MCC: variants seen among roughly 807,000 people sequenced by gnomAD.
MCC encodes MCC regulator of Wnt signaling pathway.
MCC carries 90 observed loss-of-function variants against 116.2 expected under a neutral mutation model. That is an observed-to-expected ratio of 0.77 (90% confidence interval 0.65 to 0.92). The LOEUF (loss-of-function observed/expected upper bound fraction) is 0.92, where lower values mean the gene tolerates loss of function less well. Ranked by LOEUF, MCC falls within the 40% of genes least tolerant of loss-of-function variation. MCC has a pLI of 0.00. For synonymous variants in MCC, 578 were observed against 510.5 expected, an observed-to-expected ratio of 1.13 and a Z score of -1.78; for missense variants, 1,516 against 1,312.2, an observed-to-expected ratio of 1.16 and a Z score of -2.40.
intron 3 of MCC, among the ~76,000 whole-genome samples, chr5:113,327,999 T>A (rs1391192732): frequency 6.6e-6 from 1 of 152,160 alleles, no homozygotes; most frequent in Non-Finnish European, 1.5e-5. Context: ...ATTATTCTTC[T>A]CAATACAAGT....
chr5:113,261,930 C>T (rs184159938), intron 3 of MCC, among the ~76,000 whole-genome samples: 3 of 152,110 alleles, frequency 2.0e-5, no homozygotes. Flanking sequence ...AACATGACTG[C>T]AGTACACAAA....
At chr5:113,447,033 T>G (rs1771241487) in intron 1 of MCC, among the ~76,000 whole-genome samples, 1 of 152,178 alleles carries the variant, frequency 6.6e-6, no homozygotes, top group South Asian at 2.1e-4. Flanking sequence ...CATCTCTAAT[T>G]GACCCTTTCT....
At chr5:113,192,992 G>T (rs1014099026) in intron 3 of MCC, among the ~76,000 whole-genome samples, 1 of 152,194 alleles carries the variant, frequency 6.6e-6, no homozygotes, top group African/African-American at 2.4e-5. Flanking sequence ...AAATCAAGGT[G>T]TTATCAGGGC....
chr5:113,193,699 A>T (rs1762253046), intron 3 of MCC, among the ~76,000 whole-genome samples: 4 of 152,060 alleles, frequency 2.6e-5, no homozygotes, highest in Admixed American at 2.6e-4. Flanking sequence ...CTCCTAGGAA[A>T]CCGCTTCATA....
intron 2 of MCC, among the ~76,000 whole-genome samples, chr5:113,374,991 CAAA>C (rs70973680): frequency 1.6e-4 from 14 of 85,210 alleles, no homozygotes; most frequent in African/African-American, 9.2e-5. Flanking sequence ...GACCCTGTCT[CAAA>C]AAAAAAAAAA....
chr5:113,128,029 G>T (rs1021842617), intron 5 of MCC, among the ~76,000 whole-genome samples: 1 of 152,222 alleles, frequency 6.6e-6, no homozygotes, highest in African/African-American at 2.4e-5. Flanking sequence ...GTTTATTAAA[G>T]ATTCCTTCTC....
In MCC at chr5:113,313,854, T is replaced by A. The variant is rs544379599; in HGVS notation, c.627+26665A>T. 7.9e-5 allele frequency among the ~76,000 whole-genome samples: 12 copies of A among 152,288 alleles called. No homozygotes were observed. The South Asian group carries it at 1.7e-3, about 21-fold the overall frequency. ...TTGTTTGTTTCAGACAGAGTCTTGC[T>A]CTGTTGCCCACGCTGGAGTGCAGTG... is the stretch of plus-strand genomic sequence containing the variant. On this transcript the variant is annotated intron_variant, in intron 3 of 18. Transcript: ENST00000408903.
At chr5:113,276,653 G>A (rs1765834365) in intron 3 of MCC, among the ~76,000 whole-genome samples, 1 of 152,088 alleles carries the variant, frequency 6.6e-6, no homozygotes, top group South Asian at 2.1e-4. Context: ...TTGAGACAGG[G>A]TCTGGCTCTG....
At chr5:113,098,011 T>C (rs947679552) in intron 8 of MCC, among the ~76,000 whole-genome samples, 20 of 152,232 alleles carry the variant, frequency 1.3e-4, no homozygotes, top group African/African-American at 4.8e-4. Flanking sequence ...TAACACCTTA[T>C]GACATGAACA....
At chr5:113,290,520 C>T (rs762041207) in intron 3 of MCC, among the ~76,000 whole-genome samples, 1 of 152,174 alleles carries the variant, frequency 6.6e-6, no homozygotes, top group Non-Finnish European at 1.5e-5. Flanking sequence ...ACAACCAGAT[C>T]AAGCAGACAA....
intron 3 of MCC, among the ~76,000 whole-genome samples, chr5:113,168,292 T>C (rs1760881909): frequency 6.6e-6 from 1 of 152,182 alleles, no homozygotes; most frequent in African/African-American, 2.4e-5. Flanking sequence ...TATTAAAATT[T>C]TGATGAAAAT....
At chr5:113,359,908 CTT>C (rs1326029299) in intron 2 of MCC, among the ~76,000 whole-genome samples, 1 of 152,120 alleles carries the variant, frequency 6.6e-6, no homozygotes, top group Non-Finnish European at 1.5e-5. Context: ...ATTTGTCTCT[CTT>C]GGTTAGAAGG....
At chr5:113,115,525 T>C (rs1236429294) in intron 6 of MCC, among the ~76,000 whole-genome samples, 1 of 152,122 alleles carries the variant, frequency 6.6e-6, no homozygotes, top group Non-Finnish European at 1.5e-5. Context: ...ATAAGGAAGA[T>C]AACCTAACAT....
chr5:113,085,741 G>C (rs1054870022), intron 8 of MCC, among the ~76,000 whole-genome samples: 5 of 152,060 alleles, frequency 3.3e-5, no homozygotes, highest in African/African-American at 1.2e-4. Context: ...GCCCAGGCTG[G>C]AATGCAGTGG....
chr5:113,288,656 C>T (rs1766355097), intron 3 of MCC, among the ~76,000 whole-genome samples: 1 of 152,150 alleles, frequency 6.6e-6, no homozygotes, highest in Non-Finnish European at 1.5e-5. Flanking sequence ...TCAAGTTAAA[C>T]AGGCTTATTA....
At chr5:113,178,692 C>G (rs187514025) in intron 3 of MCC, among the ~76,000 whole-genome samples, 5 of 152,250 alleles carry the variant, frequency 3.3e-5, no homozygotes, top group Middle Eastern at 3.4e-3. Context: ...ATCACTGTTG[C>G]GTTAACCTCA....
intron 3 of MCC, among the ~76,000 whole-genome samples, chr5:113,162,177 T>C (rs1356887355): frequency 2.0e-5 from 3 of 152,166 alleles, no homozygotes; most frequent in African/African-American, 4.8e-5. Flanking sequence ...CAGCCAACAA[T>C]AGTCCCAACT....
chr5:113,134,790 A>G (rs796573573), intron 5 of MCC, among the ~76,000 whole-genome samples: 2 of 151,830 alleles, frequency 1.3e-5, no homozygotes, highest in African/African-American at 4.8e-5. Flanking sequence ...AACTCCCACA[A>G]GCTTAGCGTT....
intron 1 of MCC, among the ~76,000 whole-genome samples, chr5:113,423,430 T>A (rs1267530251): frequency 2.0e-5 from 3 of 152,212 alleles, no homozygotes; most frequent in Non-Finnish European, 4.4e-5. Context: ...CTCACAAGAA[T>A]CTAACCCTGT....
Sources: allele counts gnomAD v4.1 joint callset (sites outside exome capture counted in the v4.1 genomes callset), GRCh38; gene constraint gnomAD v4.1.1; transcripts MANE v1.5; gene names NCBI Gene and HGNC (gene_info 2026-07-23, HGNC 2026-07-21).